Variants in FBXL17 observed in about 807,000 individuals in gnomAD.
FBXL17 encodes the protein F-box/LRR-repeat protein 17.
In FBXL17, 22 loss-of-function variants were observed where a neutral mutation model predicts 66.2. That is an observed-to-expected ratio of 0.33 (90% confidence interval 0.24 to 0.47). The LOEUF (loss-of-function observed/expected upper bound fraction) is 0.47, where lower values mean the gene tolerates loss of function less well. Among genes scored for constraint, FBXL17 ranks in the 20% least tolerant of loss-of-function variants. The pLI is 1.00. For missense variants in FBXL17, 878 were observed against 948.2 expected (o/e 0.93, Z 0.97); for synonymous variants, 474 against 400.5 (o/e 1.18, Z -2.19).
Position 107,881,085 on chromosome 5 carries a change from T to C in FBXL17, c.1917A>G (p.Ala639=), listed in dbSNP as rs1162653522. ...EITDQGATLI[A]QSSKSLRYLG... is the part of the protein sequence containing the mutation. Reference sequence around the variant, plus strand: ...AATATCTCAGAGACTTGCTGCTCTGTGCAATCAGGGTGGCTCCTTGGTCTG... The same window carrying C: ...AATATCTCAGAGACTTGCTGCTCTGCGCAATCAGGGTGGCTCCTTGGTCTG... The change falls in exon 8 of 9, where the codon GCA becomes GCG. Residue 639 remains alanine (A), a synonymous_variant. Coordinates refer to ENST00000542267, the MANE Select transcript of FBXL17 (RefSeq NM_001163315.3). 6.2e-7 allele frequency: 1 copy of C among 1,613,970 alleles called. No individual in the cohort carries two copies. Among genetic ancestry groups the C allele is most frequent in the African/African-American group, 1.3e-5 (1 of 74,922 alleles).
intron 8 of FBXL17, among the ~76,000 whole-genome samples, chr5:107,876,591 C>A (rs901391783): frequency 6.6e-6 from 1 of 152,190 alleles, no homozygotes; most frequent in Non-Finnish European, 1.5e-5. Flanking sequence ...CCAGTGAGGG[C>A]TGTTTTTTCC....
intron 7 of FBXL17, among the ~76,000 whole-genome samples, chr5:108,001,894 C>T (rs903379074): frequency 2.0e-5 from 3 of 151,592 alleles, no homozygotes; most frequent in Non-Finnish European, 2.9e-5. Context: ...GAAATTTTTC[C>T]TCTTGTGCTA....
chr5:108,173,107 A>ACATT (rs1323387652), intron 6 of FBXL17, among the ~76,000 whole-genome samples: 6 of 152,274 alleles, frequency 3.9e-5, no homozygotes, highest in African/African-American at 1.4e-4. Context: ...GGCCAACAGC[A>ACATT]GTTTTCTAAT....
At chr5:108,238,933 AATTATAT>A (rs1755729553) in intron 4 of FBXL17, among the ~76,000 whole-genome samples, 3 of 152,220 alleles carry the variant, frequency 2.0e-5, no homozygotes, top group Admixed American at 2.0e-4. Flanking sequence ...TTTAAGTTGT[AATTATAT>A]GACTGATATC....
chr5:108,285,635 G>T (rs74720358), intron 4 of FBXL17, among the ~76,000 whole-genome samples: 61 of 151,732 alleles, frequency 4.0e-4, no homozygotes, highest in African/African-American at 1.4e-3. Context: ...TCTCAAAAGC[G>T]GGCTTACAAT....
intron 6 of FBXL17, among the ~76,000 whole-genome samples, chr5:108,073,768 C>T (rs1748434431): frequency 6.6e-6 from 1 of 152,070 alleles, no homozygotes; most frequent in African/African-American, 2.4e-5. Context: ...GAGCCTGGCA[C>T]TTCCTCCCTC....
At chr5:107,981,162 A>G (rs2916577) in intron 7 of FBXL17, among the ~76,000 whole-genome samples, 26,539 of 151,988 alleles carry the variant, frequency 0.17, 2,565 homozygotes, top group East Asian at 0.3. Flanking sequence ...GACACTAAAG[A>G]GAGAGTGAGG....
chr5:107,941,845 T>A (rs1011538375), intron 7 of FBXL17, among the ~76,000 whole-genome samples: 6 of 152,204 alleles, frequency 3.9e-5, no homozygotes, highest in Non-Finnish European at 8.8e-5. Context: ...TGTGGCAGAA[T>A]ATAGCTAAAT....
At chr5:108,163,399 C>CCTTTTTTTTT (rs1554071043) in intron 6 of FBXL17, among the ~76,000 whole-genome samples, 1 of 129,540 alleles carries the variant, frequency 7.7e-6, no homozygotes, top group African/African-American at 3.3e-5. Context: ...TTTTTTTTTT[C>CCTTTTTTTTT]TTTTTTTTTT....
chr5:107,875,553 G>GGTATTTT (rs1748594672), intron 8 of FBXL17, among the ~76,000 whole-genome samples: 4 of 152,160 alleles, frequency 2.6e-5, no homozygotes, highest in Admixed American at 2.6e-4. Flanking sequence ...AGGTGGTAAA[G>GGTATTTT]CAGACTCCTG....
At chr5:108,032,783 C>A (rs1746695040) in intron 6 of FBXL17, among the ~76,000 whole-genome samples, 1 of 152,124 alleles carries the variant, frequency 6.6e-6, no homozygotes, top group African/African-American at 2.4e-5. Flanking sequence ...TTTTAAACTA[C>A]AAGGTTGAGG....
At position 108,380,692 on chromosome 5, in the gene FBXL17, G is replaced by C; in HGVS notation, c.993+7C>G. ...CGAGCATCCCTGCGCCTCTCGCCCA[G>C]ACCCACCTTGAGCAGGATGGACGGC... On this transcript the variant is annotated splice_region_variant and intron_variant, in intron 1 of 8. Transcript: ENST00000542267. 2.4e-6 allele frequency: 3 copies of C among 1,248,730 alleles called. No homozygotes were observed. The highest frequency in any genetic ancestry group is 3.0e-6 in the Non-Finnish European group (3 of 988,564). 77.4% of individuals were successfully genotyped at this position (1,248,730 alleles called of 1,614,324 possible). A position where few individuals can be genotyped will look rare whatever the true frequency, so the allele number is the denominator to read the frequency against.
intron 6 of FBXL17, among the ~76,000 whole-genome samples, chr5:108,043,784 C>A (rs1747140173): frequency 6.6e-6 from 1 of 152,140 alleles, no homozygotes; most frequent in African/African-American, 2.4e-5. Flanking sequence ...TTGCATTAAA[C>A]CCATGTATCA....
intron 4 of FBXL17, among the ~76,000 whole-genome samples, chr5:108,314,135 G>T (rs998078945): frequency 6.6e-6 from 1 of 151,656 alleles, no homozygotes; most frequent in Non-Finnish European, 1.5e-5. Context: ...CTGCAAGAAA[G>T]ATCATATTTA....
At chr5:108,035,594 CA>C (rs1213417471) in intron 6 of FBXL17, among the ~76,000 whole-genome samples, 1 of 151,964 alleles carries the variant, frequency 6.6e-6, no homozygotes, top group Non-Finnish European at 1.5e-5. Flanking sequence ...CTCAAACTCC[CA>C]ACCTCAGGTG....
intron 4 of FBXL17, among the ~76,000 whole-genome samples, chr5:108,294,665 A>C (rs972338751): frequency 1.3e-5 from 2 of 152,104 alleles, no homozygotes; most frequent in African/African-American, 4.8e-5. Flanking sequence ...TTCTTCCTCC[A>C]TAAACCACTG....
intron 4 of FBXL17, among the ~76,000 whole-genome samples, chr5:108,310,285 C>A (rs1178700364): frequency 6.6e-6 from 1 of 152,186 alleles, no homozygotes; most frequent in Non-Finnish European, 1.5e-5. Flanking sequence ...CACTATCATA[C>A]TATCCACATA....
chr5:108,218,011 T>C (rs919605526), intron 5 of FBXL17, among the ~76,000 whole-genome samples: 39 of 141,698 alleles, frequency 2.8e-4, no homozygotes, highest in Middle Eastern at 7.8e-3. Context: ...TTTCTAATTT[T>C]TTTTCTTTTT....
chr5:108,151,661 A>G (rs1399821206), intron 6 of FBXL17, among the ~76,000 whole-genome samples: 1 of 152,206 alleles, frequency 6.6e-6, no homozygotes, highest in Non-Finnish European at 1.5e-5. Flanking sequence ...ACCTAGGCTC[A>G]AATGTTACCC....
Sources: allele counts gnomAD v4.1 joint callset (sites outside exome capture counted in the v4.1 genomes callset), GRCh38; gene constraint gnomAD v4.1.1; transcripts MANE v1.5; gene names NCBI Gene and HGNC (gene_info 2026-07-23, HGNC 2026-07-21).